ADGRL3: variants seen among roughly 807,000 people sequenced by gnomAD.
ADGRL3 encodes the protein calcium-independent alpha-latrotoxin receptor 3.
ADGRL3 carries 62 observed loss-of-function variants against 153.5 expected under a neutral mutation model. That is an observed-to-expected ratio of 0.40 (90% confidence interval 0.33 to 0.50). ADGRL3 has a LOEUF of 0.50. Ranked by LOEUF, ADGRL3 falls within the 20% of genes least tolerant of loss-of-function variation. The pLI is 0.47. For missense variants in ADGRL3, 1,641 were observed against 1,859.4 expected (o/e 0.88, Z 2.16); for synonymous variants, 710 against 672.5 (o/e 1.06, Z -0.86).
chr4:61,989,795 T>C (rs767051901), intron 19 of ADGRL3, among the ~76,000 whole-genome samples: 3 of 152,010 alleles, frequency 2.0e-5, no homozygotes, highest in Non-Finnish European at 2.9e-5. Flanking sequence ...ACCAAAGAAG[T>C]ATAACAACTT....
chr4:61,727,831 C>T (rs1011127243), intron 6 of ADGRL3, among the ~76,000 whole-genome samples: 1 of 152,096 alleles, frequency 6.6e-6, no homozygotes, highest in Non-Finnish European at 1.5e-5. Flanking sequence ...TATTTCACCA[C>T]TTTTTCTTTT....
intron 21 of ADGRL3, among the ~76,000 whole-genome samples, chr4:61,998,623 T>G (rs1424625321): frequency 6.6e-6 from 1 of 151,872 alleles, no homozygotes. Context: ...TTGCCCAGTC[T>G]GGAGTGCAGT....
chr4:61,733,677 C>A lies in ADGRL3; in HGVS notation c.1399+123C>A, dbSNP rs926454263. On this transcript the variant is annotated intron_variant, in intron 8 of 26. Transcript: ENST00000683033. ...CTGGCCTGTGTACCTGAAAATTGTT[C>A]TTTGTCTTTGCATCTAAAGAAGGTT... 64 of 720,952 alleles carry A rather than the reference C, an allele frequency of 8.9e-5. No individual in the cohort carries two copies. The African/African-American group carries it at 1.1e-3, about 13-fold the overall frequency. 44.7% of individuals were successfully genotyped at this position (720,952 alleles called of 1,614,324 possible).
At chr4:61,319,690 G>A (rs1281882594) in intron 1 of ADGRL3, among the ~76,000 whole-genome samples, 1 of 152,106 alleles carries the variant, frequency 6.6e-6, no homozygotes, top group African/African-American at 2.4e-5. Context: ...TATTAATGAT[G>A]TTGTTTGTAA....
chr4:61,315,049 G>A (rs2095157729), intron 1 of ADGRL3, among the ~76,000 whole-genome samples: 1 of 152,180 alleles, frequency 6.6e-6, no homozygotes, highest in South Asian at 2.1e-4. Context: ...TCTAACCTGG[G>A]TTATGAAAGA....
chr4:61,751,477 A>T (rs924346363), intron 8 of ADGRL3, among the ~76,000 whole-genome samples: 1 of 152,168 alleles, frequency 6.6e-6, no homozygotes, highest in African/African-American at 2.4e-5. Flanking sequence ...GTAAGTGTAG[A>T]TTTGGGCCCA....
intron 5 of ADGRL3, among the ~76,000 whole-genome samples, chr4:61,665,805 C>T (rs146656364): frequency 8.5e-4 from 129 of 152,244 alleles, no homozygotes; most frequent in African/African-American, 3.0e-3. Flanking sequence ...ATGAGTCTCT[C>T]TAAAGTCATG....
At chr4:62,057,603 C>A (rs1737741470) in intron 25 of ADGRL3, among the ~76,000 whole-genome samples, 2 of 152,160 alleles carry the variant, frequency 1.3e-5, no homozygotes, top group Non-Finnish European at 2.9e-5. Context: ...ATCTCACTTT[C>A]ATCAGAAATA....
intron 15 of ADGRL3, among the ~76,000 whole-genome samples, chr4:61,946,035 T>C (rs1376587566): frequency 6.6e-6 from 1 of 152,188 alleles, no homozygotes; most frequent in Non-Finnish European, 1.5e-5. Context: ...TGTTTCCAGT[T>C]TGGGCTATTA....
intron 1 of ADGRL3, among the ~76,000 whole-genome samples, chr4:61,347,268 T>A (rs533108592): frequency 2.0e-5 from 3 of 147,836 alleles, no homozygotes; most frequent in East Asian, 3.9e-4. Context: ...GGCATAGTTA[T>A]TTTTTTTTCC....
intron 8 of ADGRL3, among the ~76,000 whole-genome samples, chr4:61,769,454 G>C (rs569646123): frequency 6.7e-6 from 1 of 148,422 alleles, no homozygotes; most frequent in Non-Finnish European, 1.5e-5. Context: ...TGAGGTCGTA[G>C]GTGGATCTTT....
chr4:61,886,977 A>G (rs766812260), intron 9 of ADGRL3, among the ~76,000 whole-genome samples: 7 of 151,638 alleles, frequency 4.6e-5, no homozygotes, highest in Admixed American at 6.6e-5. Flanking sequence ...TGATATCATC[A>G]GTGAGACTAT....
chr4:61,223,698 C>A (rs938072488), intron 1 of ADGRL3, among the ~76,000 whole-genome samples: 1 of 152,140 alleles, frequency 6.6e-6, no homozygotes, highest in Non-Finnish European at 1.5e-5. Context: ...ATTGTTTGGG[C>A]ATTTTGGGTT....
chr4:61,948,133 T>C lies in ADGRL3; in HGVS notation c.2662T>C (p.Phe888Leu), dbSNP rs1441055169. Reference protein sequence around the residue: ...SEENFNPNCSFWSYSKRTMTG... With the variant: ...SEENFNPNCSLWSYSKRTMTG... ...GGAAAATTTCAACCCTAACTGTTCA[T>C]TTTGGAGCTACTCCAAGCGTACAAT... Residue 888 changes from phenylalanine (F) to leucine (L), a missense_variant, in exon 17 of 27, where the codon TTT (phenylalanine) becomes CTT (leucine). Around this residue, in one of 5 missense-constraint regions of ADGRL3, gnomAD observed 734 missense variants for 797.0 expected, o/e 0.92. Transcript: ENST00000683033. The C allele has an allele frequency of 1.2e-6, 2 of 1,613,324 alleles. No homozygotes were observed. Among genetic ancestry groups the C allele is most frequent in the Admixed American group, 3.3e-5 (2 of 59,904 alleles).
At chr4:61,832,802 TTTTC>T (rs2097887505) in intron 9 of ADGRL3, among the ~76,000 whole-genome samples, 1 of 142,504 alleles carries the variant, frequency 7.0e-6, no homozygotes, top group South Asian at 2.3e-4. Context: ...TCTCTCTCTG[TTTTC>T]TTTTTCTTTT....
intron 2 of ADGRL3, among the ~76,000 whole-genome samples, chr4:61,388,854 C>T (rs1361426417): frequency 6.6e-6 from 1 of 152,166 alleles, no homozygotes; most frequent in African/African-American, 2.4e-5. Flanking sequence ...CAGGTATTCT[C>T]TTCTCATGGC....
intron 9 of ADGRL3, among the ~76,000 whole-genome samples, chr4:61,833,447 T>C (rs1473258274): frequency 6.6e-6 from 1 of 151,638 alleles, no homozygotes; most frequent in Non-Finnish European, 1.5e-5. Context: ...GGGATCAGAG[T>C]TTTTAAGGAC....
chr4:61,644,361 A>G (rs2093851194), intron 5 of ADGRL3, among the ~76,000 whole-genome samples: 3 of 150,394 alleles, frequency 2.0e-5, no homozygotes, highest in African/African-American at 4.9e-5. Context: ...TTGCTTTTCT[A>G]GTTCTTTTAA....
chr4:61,686,499 A>G lies in ADGRL3; in HGVS notation c.583+9564A>G, dbSNP rs533440365. ...CATCATTCAAATACTTATTTATTAA[A>G]AAGATTTGTTTTAAATTGACACATA... On this transcript the variant is annotated intron_variant, in intron 6 of 26. Transcript: ENST00000683033. Among the ~76,000 whole-genome samples, 3 of 152,260 alleles carry G rather than the reference A, an allele frequency of 2.0e-5. No individual in the cohort carries two copies. In the East Asian group the frequency reaches 5.8e-4, roughly 29 times the overall value.
Sources: gnomAD v4.1 joint callset for allele counts (sites outside exome capture counted in the v4.1 genomes callset) on GRCh38, gnomAD v4.1.1 for gene constraint, gnomAD v4.1.1 regional missense constraint, MANE v1.5 for transcripts, NCBI Gene and HGNC (gene_info 2026-07-23, HGNC 2026-07-21) for gene names.